Variants in GEMIN7 observed in about 807,000 individuals in gnomAD.
GEMIN7 encodes the protein gem-associated protein 7.
A neutral mutation model predicts 7.8 loss-of-function variants in GEMIN7; 7 were observed. The ratio of observed to expected loss-of-function variants is 0.90; its 90% CI spans 0.51 to 1.69. The LOEUF is 1.69. Among genes scored for constraint, GEMIN7 ranks in the 40% most tolerant of loss-of-function variants. The pLI is 0.00. For missense variants in GEMIN7, 159 were observed against 176.2 expected, an observed-to-expected ratio of 0.90 and a Z score of 0.55; for synonymous variants, 68 against 72.4, an observed-to-expected ratio of 0.94 and a Z score of 0.31.
At chr19:45,078,953 G>A (rs1355069298), upstream of GEMIN7, among the ~76,000 whole-genome samples, 1 of 152,204 alleles carries the variant, frequency 6.6e-6, no homozygotes, top group Admixed American at 6.5e-5. Context: ...TGTGTAGGGG[G>A]ATGGGGATGC....
chr19:45,078,336 C>T (rs1006033286), upstream of GEMIN7, among the ~76,000 whole-genome samples: 6 of 152,134 alleles, frequency 3.9e-5, no homozygotes, highest in Middle Eastern at 6.8e-3. Context: ...GTGATCCACC[C>T]GCCTCAGCCT....
At position 45,084,728 on chromosome 19, in the gene GEMIN7, C is replaced by T. The variant is rs1039953001; in HGVS notation, c.-9+4699C>T. On this transcript the variant is annotated intron_variant, in intron 2 of 2. Transcript: ENST00000270257. The stretch of plus-strand genomic sequence containing the variant: ...GAGTAGGCGGGATTACAGGAGCCTG[C>T]CACCATGCCCAGCCCAGCTAATTTT... Among the ~76,000 whole-genome samples, 4 of 152,324 alleles carry T rather than the reference C, an allele frequency of 2.6e-5. No homozygotes were observed. The East Asian group carries it at 7.7e-4, about 29-fold the overall frequency.
upstream of GEMIN7, chr19:45,076,029 G>A (rs1288732285): frequency 2.5e-6 from 4 of 1,570,692 alleles, no homozygotes; most frequent in African/African-American, 2.7e-5. This position sits in a 1 kb window ranked among gnomAD's most constrained non-coding sequence, Gnocchi z 4.9. Flanking sequence ...GGTCCCACCC[G>A]AGGGTCAAAG....
Position 45,090,302 on chromosome 19 carries a change from G to C in GEMIN7, c.188G>C (p.Arg63Pro). ...GAGCAGCGGGCACGAGCCGCCCTTC[G>C]GGAGCGTTACCTCCGCAGCCTGCTG... The part of the protein sequence containing the change: ...SQEQRARAAL[R>P]ERYLRSLLAM... The change falls in exon 3 of 3, where the codon CGG (arginine) becomes CCG (proline). Residue 63 changes from arginine to proline, a missense_variant. Coordinates refer to ENST00000270257, the MANE Select transcript of GEMIN7 (RefSeq NM_024707.3). 6.2e-7 allele frequency: 1 copy of C among 1,614,160 alleles called. No individual in the cohort carries two copies. Among genetic ancestry groups the C allele is most frequent in the Non-Finnish European group, 8.5e-7 (1 of 1,180,032 alleles).
chr19:45,088,951 C>G (rs199648765), intron 2 of GEMIN7, among the ~76,000 whole-genome samples: 3 of 103,136 alleles, frequency 2.9e-5, no homozygotes, highest in Non-Finnish European at 6.1e-5. Flanking sequence ...TTTTTTTTTT[C>G]TTTTTTTTGA....
chr19:45,083,853 C>A (rs1032492703), intron 2 of GEMIN7, among the ~76,000 whole-genome samples: 1 of 151,876 alleles, frequency 6.6e-6, no homozygotes, highest in Non-Finnish European at 1.5e-5. Context: ...CCTGCCTCAG[C>A]CTCCCAAAGT....
chr19:45,081,756 A>G (rs1011147130), intron 2 of GEMIN7, among the ~76,000 whole-genome samples: 3 of 152,084 alleles, frequency 2.0e-5, no homozygotes, highest in African/African-American at 7.2e-5. Flanking sequence ...CCTCCCGAGT[A>G]GCTGGGATTA....
chr19:45,084,230 A>G (rs867899516), intron 2 of GEMIN7, among the ~76,000 whole-genome samples: 110 of 148,724 alleles, frequency 7.4e-4, no homozygotes, highest in African/African-American at 2.3e-3. Flanking sequence ...AAAAAAAAAA[A>G]AAAGAAATTA....
chr19:45,086,121 C>T (rs1008241551), intron 2 of GEMIN7, among the ~76,000 whole-genome samples: 4 of 151,664 alleles, frequency 2.6e-5, no homozygotes, highest in African/African-American at 9.7e-5. Context: ...CCTGCCTTGG[C>T]CTCCCAAAGT....
chr19:45,076,108 G>A (rs541472976), upstream of GEMIN7: 50 of 1,576,310 alleles, frequency 3.2e-5, no homozygotes, highest in Non-Finnish European at 3.2e-5. This position sits in a 1 kb window ranked among gnomAD's most constrained non-coding sequence, Gnocchi z 4.9. Context: ...CGTCCACAGG[G>A]TCCACGGGTT....
At chr19:45,081,562 CTT>C (rs1396441537) in intron 2 of GEMIN7, among the ~76,000 whole-genome samples, 1 of 144,930 alleles carries the variant, frequency 6.9e-6, no homozygotes, top group African/African-American at 2.5e-5. Flanking sequence ...CTTGGCTGCT[CTT>C]TCCCTCAAAT....
At position 45,079,972 on chromosome 19, in the gene GEMIN7, A is replaced by C. The variant is rs2122648494; in HGVS notation, c.-66A>C. 1 of 152,372 alleles carries C rather than the reference A, an allele frequency of 6.6e-6. No individual in the cohort carries two copies. The highest frequency in any genetic ancestry group is 2.1e-4 in the South Asian group (1 of 4,830). The allele number at this position is 152,372 out of a possible 1,614,324, so 9.4% of individuals were successfully genotyped here. ...CCCTGGCAATTGTGAAGAGTTGGCC[A>C]AATGTTTGTCCACTGAGCTGATCTC... On this transcript the variant is annotated 5_prime_UTR_variant, in exon 2 of 3. Coordinates refer to ENST00000270257, the MANE Select transcript of GEMIN7 (RefSeq NM_024707.3).
chr19:45,076,444 G>A, upstream of GEMIN7: 1 of 1,117,176 alleles, frequency 9.0e-7, no homozygotes, highest in Non-Finnish European at 1.1e-6. The surrounding 1 kb of genome is among the most constrained non-coding windows in gnomAD (Gnocchi z 4.9). Flanking sequence ...CACGAGCGGA[G>A]GACGCGCGGA....
chr19:45,078,298 C>T (rs973530355), upstream of GEMIN7, among the ~76,000 whole-genome samples: 2 of 152,008 alleles, frequency 1.3e-5, no homozygotes, highest in African/African-American at 4.8e-5. Flanking sequence ...CCATGTTGGC[C>T]AGGCTGGTCT....
chr19:45,076,642 A>C, upstream of GEMIN7: 2 of 301,648 alleles, frequency 6.6e-6, no homozygotes, highest in Non-Finnish European at 1.2e-5. This position sits in a 1 kb window ranked among gnomAD's most constrained non-coding sequence, Gnocchi z 4.9. Flanking sequence ...ACCAAATTTA[A>C]TCACACCGAG....
At chr19:45,076,448 G>A (rs1967356627), upstream of GEMIN7, 4 of 1,104,062 alleles carry the variant, frequency 3.6e-6, no homozygotes, top group East Asian at 3.5e-5. This position sits in a 1 kb window ranked among gnomAD's most constrained non-coding sequence, Gnocchi z 4.9. Flanking sequence ...AGCGGAGGAC[G>A]CGCGGACCGT....
upstream of GEMIN7, chr19:45,075,641 CAGCCCAGCCCCTTTCCAGCAGGA>C (rs1967331812): frequency 6.4e-7 from 1 of 1,568,964 alleles, no homozygotes; most frequent in African/African-American, 1.4e-5. Context: ...CCCTGCCGTC[CAGCCCAGCCCCTTTCCAGCAGGA>C]AGCCCAGCCC....
Position 45,091,155 on chromosome 19 carries a change from G to A in GEMIN7, c.*645G>A. On this transcript the variant is annotated 3_prime_UTR_variant, in exon 3 of 3. Transcript: ENST00000270257. ...CATTTTGGGGCGGGCGGTGGCTCGT[G>A]CTGGGTCACGTGGTCGTGCCCAAGC... is the stretch of plus-strand genomic sequence containing the variant. 1 of 167,434 alleles carries A rather than the reference G, an allele frequency of 6.0e-6. No homozygotes were observed. 10.4% of individuals were successfully genotyped at this position (167,434 alleles called of 1,614,324 possible).
intron 2 of GEMIN7, among the ~76,000 whole-genome samples, chr19:45,085,839 C>T (rs539149295): frequency 2.8e-5 from 4 of 143,236 alleles, no homozygotes; most frequent in East Asian, 2.1e-4. Context: ...CGCAGCTTCT[C>T]GGGAGACTGA....
Sources: gnomAD v4.1 joint callset for allele counts (sites outside exome capture counted in the v4.1 genomes callset) on GRCh38, gnomAD v4.1.1 for gene constraint, Gnocchi (gnomAD v3.1) non-coding constraint, MANE v1.5 for transcripts, NCBI Gene and HGNC (gene_info 2026-07-23, HGNC 2026-07-21) for gene names.